Variants in BRD1 observed in about 807,000 individuals in gnomAD.
BRD1 encodes bromodomain-containing protein 1.
In BRD1, 24 loss-of-function variants were observed where a neutral mutation model predicts 107.7. That is an observed-to-expected ratio of 0.22 (90% CI 0.16 to 0.31). The LOEUF is 0.31. Among genes scored for constraint, BRD1 ranks in the 10% least tolerant of loss-of-function variants. The pLI is 1.00. For missense variants in BRD1, 1,279 were observed against 1,638.6 expected (o/e 0.78, Z 3.79); for synonymous variants, 744 against 686.1 (o/e 1.08, Z -1.32).
rs2059459577 is a variant in BRD1 at position 49,792,796 on chromosome 22, G to C, written c.2359+1238C>G. Reference sequence around the variant, plus strand: ...GAGTAAGTTTCTAAGAGAAAGAAAAGCTTAATGGCTCTCATTCAAGTTGCC... The same window carrying C: ...GAGTAAGTTTCTAAGAGAAAGAAAACCTTAATGGCTCTCATTCAAGTTGCC... On this transcript the variant is annotated intron_variant, in intron 7 of 12. Coordinates refer to ENST00000404760, the MANE Select transcript of BRD1 (RefSeq NM_001304808.3). This position sits in a 1 kb window ranked among gnomAD's most constrained non-coding sequence, Gnocchi z 4.2. Among the ~76,000 whole-genome samples the C allele has an allele frequency of 6.6e-6, 1 of 152,108 alleles. No individual in the cohort carries two copies. The highest frequency in any genetic ancestry group is 2.4e-5 in the African/African-American group (1 of 41,398).
Position 49,823,697 on chromosome 22 carries a change from C to T in BRD1, c.621G>A (p.Gln207=). 1 of 1,613,794 alleles carries T rather than the reference C, an allele frequency of 6.2e-7. No homozygotes were observed. Among genetic ancestry groups the T allele is most frequent in the Non-Finnish European group, 8.5e-7 (1 of 1,179,950 alleles). ...CGGCGTCCTCGTCGATCAGAGACTG[C>T]TGCTCGCCCTGCTTCTGGTTCTCGC... ...SHCENQKQGE[Q]QSLIDEDAVC... is the part of the protein sequence containing the mutation. The change falls in exon 2 of 13, where the codon CAG becomes CAA. Residue 207 remains glutamine, a synonymous_variant. Coordinates refer to ENST00000404760, the MANE Select transcript of BRD1 (RefSeq NM_001304808.3).
At position 49,803,786 on chromosome 22, in the gene BRD1, C is replaced by A. The variant is rs990670870; in HGVS notation, c.1524+418G>T. ...ATATTTCCAAAACCCACCCTCCAGG[C>A]CCAGCACACAGACCCCCACCCACAT... On this transcript the variant is annotated intron_variant, in intron 3 of 12. Coordinates refer to ENST00000404760, the MANE Select transcript of BRD1 (RefSeq NM_001304808.3). The surrounding 1 kb of genome is among the most constrained non-coding windows in gnomAD (Gnocchi z 4.4). Among the ~76,000 whole-genome samples the A allele has an allele frequency of 2.0e-5, 3 of 152,138 alleles. No individual in the cohort carries two copies. The highest frequency in any genetic ancestry group is 1.3e-4 in the Admixed American group (2 of 15,276).
intron 6 of BRD1, 119 bp downstream of exon 6, chr22:49,797,686 T>C (rs936199594): frequency 2.0e-6 from 2 of 978,260 alleles, no homozygotes; most frequent in Non-Finnish European, 1.5e-6. Flanking sequence ...AAATGATGTA[T>C]GCGGTTGCAT....
At chr22:49,810,618 T>C (rs755240615) in intron 2 of BRD1, among the ~76,000 whole-genome samples, 1 of 152,322 alleles carries the variant, frequency 6.6e-6, no homozygotes. Context: ...AGAACTCTTA[T>C]GACAACAGTA....
chr22:49,827,821 C>CTCGGACTCCAGGGCCGGG lies in BRD1; in HGVS notation c.-357_-340dup, dbSNP rs2060162646. 1.4e-5 allele frequency among the ~76,000 whole-genome samples: 2 copies of CTCGGACTCCAGGGCCGGG among 144,770 alleles called. No individual in the cohort carries two copies. The highest frequency in any genetic ancestry group is 1.4e-4 in the Admixed American group (2 of 14,706). The allele number at this position is 144,770 out of a possible 152,430, so 95.0% of individuals were successfully genotyped here. ...CGGCGGGCGCGGGACGCGGGGCTGGCTCGGACTCCAGGGCCGGGTCGCTCG... is the reference window on the plus strand; with the variant it reads ...CGGCGGGCGCGGGACGCGGGGCTGGCTCGGACTCCAGGGCCGGGTCGGACTCCAGGGCCGGGTCGCTCG... On this transcript the variant is annotated 5_prime_UTR_variant, in exon 1 of 13. Transcript: ENST00000404760.
At chr22:49,820,633 T>C (rs1260831970) in intron 2 of BRD1, among the ~76,000 whole-genome samples, 1 of 144,574 alleles carries the variant, frequency 6.9e-6, no homozygotes, top group Non-Finnish European at 1.5e-5. Context: ...ATAAGAAGCT[T>C]CACCCTCATC....
In BRD1 at chr22:49,823,087, A is replaced by C; in HGVS notation, c.1231T>G (p.Cys411Gly). Residue 411 changes from cysteine to glycine, a missense_variant, in exon 2 of 13, where the codon TGT (cysteine) becomes GGT (glycine). Physicochemically the swap from Cys to Gly is radical, Grantham distance 159. Around this residue, in one of 7 missense-constraint regions of BRD1, gnomAD observed 158 missense variants for 310.2 expected, o/e 0.51. Coordinates refer to ENST00000404760, the MANE Select transcript of BRD1 (RefSeq NM_001304808.3). ...GTTTTAACCGAGCTCTCTTTTCGAC[A>C]GACGCCATTTTTCATTTCGACATCC... ...YGDVEMKNGVCRKESSVKTVR... is the reference protein window; with the variant it reads ...YGDVEMKNGVGRKESSVKTVR... 6.2e-7 allele frequency: 1 copy of C among 1,614,230 alleles called. No homozygotes were observed. Among genetic ancestry groups the C allele is most frequent in the East Asian group, 2.2e-5 (1 of 44,880 alleles).
At chr22:49,804,614 C>A (rs927604283) in intron 2 of BRD1, among the ~76,000 whole-genome samples, 2 of 152,114 alleles carry the variant, frequency 1.3e-5, no homozygotes, top group African/African-American at 4.8e-5. Flanking sequence ...TTTGGGAGGC[C>A]GAGGTGGGGG....
At chr22:49,798,351 C>T (rs1349745066) in intron 5 of BRD1, among the ~76,000 whole-genome samples, 1 of 152,230 alleles carries the variant, frequency 6.6e-6, no homozygotes, top group Non-Finnish European at 1.5e-5. Context: ...AGGGTACTGT[C>T]TGCACAGGGC....
chr22:49,775,637 C>G lies in BRD1; in HGVS notation c.3340G>C (p.Asp1114His), dbSNP rs375027256. 1 of 1,613,330 alleles carries G rather than the reference C, an allele frequency of 6.2e-7. No individual in the cohort carries two copies. The highest frequency in any genetic ancestry group is 8.5e-7 in the Non-Finnish European group (1 of 1,179,608). ...AAGAGAACGAGGAACAGCTTCTCAT[C>G]AGACTTGGTCTGCATGTGCTCCCCA... Reference protein sequence around the residue: ...KIGEHMQTKSDEKLFLVLFFD... With the variant: ...KIGEHMQTKSHEKLFLVLFFD... The change falls in exon 12 of 13, where the codon GAT (aspartate) becomes CAT (histidine). Residue 1114 changes from aspartate (D) to histidine (H), a missense_variant. Coordinates refer to ENST00000404760, the MANE Select transcript of BRD1 (RefSeq NM_001304808.3).
chr22:49,804,427 A>C, intron 2 of BRD1, 67 bp from the exon 3 acceptor site: 13 of 1,506,134 alleles, frequency 8.6e-6, no homozygotes, highest in South Asian at 2.7e-5. Context: ...ATAAACTAGA[A>C]ATGACAGTAC....
In BRD1 at chr22:49,775,795, C is replaced by T. The variant is rs376691011; in HGVS notation, c.3232-50G>A. On this transcript the variant is annotated intron_variant, in intron 11 of 12. Transcript: ENST00000404760. Reference sequence around the variant, plus strand: ...TCATTGTGAGGCTCACACCCATAAACAACCCCACCTGTCACTGGCACCCCC... The same window carrying T: ...TCATTGTGAGGCTCACACCCATAAATAACCCCACCTGTCACTGGCACCCCC... 1.4e-4 allele frequency: 226 copies of T among 1,568,354 alleles called. 1 individual carries two copies. Among genetic ancestry groups the T allele is most frequent in the East Asian group, 7.7e-4 (34 of 44,376 alleles).
chr22:49,827,759 G>GGCGGGC lies in BRD1; in HGVS notation c.-283_-278dup, dbSNP rs1302225101. ...GAGGCCCGGCTCGGGGGGCCCGGCC[G>GGCGGGC]GCGGGCGCGGGCGCGGGCGCGGGAG... is the stretch of plus-strand genomic sequence containing the variant. On this transcript the variant is annotated 5_prime_UTR_variant, in exon 1 of 13. Transcript: ENST00000404760. Among the ~76,000 whole-genome samples the GGCGGGC allele has an allele frequency of 5.2e-4, 75 of 143,292 alleles. No individual in the cohort carries two copies. Among genetic ancestry groups the GGCGGGC allele is most frequent in the South Asian group, 2.6e-3 (12 of 4,684 alleles). The allele number at this position is 143,292 out of a possible 152,430, so 94.0% of individuals were successfully genotyped here. A position where few individuals can be genotyped will look rare whatever the true frequency, so the allele number is the denominator to read the frequency against.
intron 7 of BRD1, among the ~76,000 whole-genome samples, chr22:49,793,058 G>C (rs2059464054): frequency 6.6e-6 from 1 of 152,202 alleles, no homozygotes; most frequent in African/African-American, 2.4e-5. Flanking sequence ...TGGATGTGCA[G>C]GGGAAGGGCA....
intron 2 of BRD1, among the ~76,000 whole-genome samples, chr22:49,813,548 G>A (rs1301233935): frequency 1.3e-5 from 2 of 149,150 alleles, no homozygotes; most frequent in East Asian, 4.3e-4. Flanking sequence ...AAAATTTTTG[G>A]CCAGGAGCCA....
chr22:49,774,779 G>C (rs1287954233), intron 12 of BRD1, among the ~76,000 whole-genome samples: 1 of 152,284 alleles, frequency 6.6e-6, no homozygotes, highest in Admixed American at 6.5e-5. Flanking sequence ...GGGGCCCTCG[G>C]ATGGACAAGG....
intron 7 of BRD1, among the ~76,000 whole-genome samples, chr22:49,788,496 A>C (rs970213709): frequency 1.3e-5 from 2 of 152,220 alleles, no homozygotes; most frequent in African/African-American, 4.8e-5. Context: ...GGGAGCTTTC[A>C]GGAAAAAAAA....
intron 3 of BRD1, among the ~76,000 whole-genome samples, chr22:49,801,190 T>G (rs948051402): frequency 2.6e-5 from 4 of 152,226 alleles, no homozygotes; most frequent in Non-Finnish European, 5.9e-5. Context: ...CAGGAGACAG[T>G]GGGACGCCAC....
At chr22:49,810,164 A>G (rs2059823390) in intron 2 of BRD1, among the ~76,000 whole-genome samples, 1 of 152,308 alleles carries the variant, frequency 6.6e-6, no homozygotes, top group Non-Finnish European at 1.5e-5. Context: ...GCGAGCGAGC[A>G]AGCAAGCAAG....
Sources: gnomAD v4.1 joint callset for allele counts (sites outside exome capture counted in the v4.1 genomes callset) on GRCh38, gnomAD v4.1.1 for gene constraint, gnomAD v4.1.1 regional missense constraint, Gnocchi (gnomAD v3.1) non-coding constraint, MANE v1.5 for transcripts, NCBI Gene and HGNC (gene_info 2026-07-23, HGNC 2026-07-21) for gene names.